SNRPN: variants seen among roughly 807,000 people sequenced by gnomAD.
The protein encoded by SNRPN is small nuclear ribonucleoprotein-associated protein N.
In SNRPN, 7 loss-of-function variants were observed where a neutral mutation model predicts 25.2. The observed-to-expected ratio is 0.28, with a 90% CI of 0.16 to 0.52. SNRPN has a LOEUF of 0.52. Ranked by LOEUF, SNRPN falls within the 20% of genes least tolerant of loss-of-function variation. The pLI, the probability that SNRPN is intolerant of heterozygous loss-of-function variation, is 0.96. For synonymous variants in SNRPN, 124 were observed against 110.6 expected (o/e 1.12, Z -0.76); for missense variants, 196 against 322.5 (o/e 0.61, Z 3.00).
At chr15:24,949,528 G>A (rs955567524) in intron 3 of SNRPN, among the ~76,000 whole-genome samples, 1 of 152,114 alleles carries the variant, frequency 6.6e-6, no homozygotes, top group Non-Finnish European at 1.5e-5. Flanking sequence ...GTGCATGCCT[G>A]TAGTCCCAGC....
chr15:24,877,050 G>A (rs563597584), intron 1 of SNRPN, among the ~76,000 whole-genome samples: 30 of 152,210 alleles, frequency 2.0e-4, no homozygotes, highest in African/African-American at 7.2e-4. Context: ...GAGAATTTGG[G>A]TCTCATACAT....
chr15:24,964,428 G>A (rs1349704213), intron 2 of SNRPN, among the ~76,000 whole-genome samples: 1 of 152,096 alleles, frequency 6.6e-6, no homozygotes, highest in Non-Finnish European at 1.5e-5. Context: ...AAGTAACTGG[G>A]ATTATAGGTG....
At position 24,976,463 on chromosome 15, in the gene SNRPN, C is replaced by G. The variant is rs537922166; in HGVS notation, c.267+47C>G. On this transcript the variant is annotated intron_variant, in intron 6 of 9. Coordinates refer to ENST00000390687, the MANE Select transcript of SNRPN (RefSeq NM_003097.6). Reference sequence around the variant, plus strand: ...ACAGAACTTTAATTTGCAGGGACATCATATTATGTGAGATGTCTGAAATCA... The same window carrying G: ...ACAGAACTTTAATTTGCAGGGACATGATATTATGTGAGATGTCTGAAATCA... 10 of 1,252,712 alleles carry G rather than the reference C, an allele frequency of 8.0e-6. No homozygotes were observed. In the South Asian group the frequency reaches 1.1e-4, roughly 14 times the overall value. The allele number at this position is 1,252,712 out of a possible 1,614,324, so 77.6% of individuals were successfully genotyped here. A position where few individuals can be genotyped will look rare whatever the true frequency, so the allele number is the denominator to read the frequency against.
intron 2 of SNRPN, among the ~76,000 whole-genome samples, chr15:24,832,749 G>T (rs1260058605): frequency 6.6e-6 from 1 of 151,960 alleles, no homozygotes. Flanking sequence ...GAGCAAGCTG[G>T]CAGTTAGATG....
At chr15:24,928,485 T>C (rs1297224147) in intron 3 of SNRPN, among the ~76,000 whole-genome samples, 2 of 152,044 alleles carry the variant, frequency 1.3e-5, no homozygotes, top group African/African-American at 4.8e-5. Flanking sequence ...CACAGAAATA[T>C]AAATAGCTTA....
chr15:24,889,922 C>T (rs573345276), intron 2 of SNRPN, among the ~76,000 whole-genome samples: 15 of 151,404 alleles, frequency 9.9e-5, no homozygotes, highest in African/African-American at 3.4e-4. Context: ...TGGTGGTACA[C>T]GCTTGTAGTC....
At chr15:24,918,416 A>ATG (rs1326247415) in intron 2 of SNRPN, among the ~76,000 whole-genome samples, 11 of 59,942 alleles carry the variant, frequency 1.8e-4, no homozygotes, top group East Asian at 4.3e-4. Flanking sequence ...CATAATATAT[A>ATG]TGTGTATATA....
intron 1 of SNRPN, among the ~76,000 whole-genome samples, chr15:24,874,178 C>T (rs2055576708): frequency 6.6e-6 from 1 of 151,612 alleles, no homozygotes; most frequent in South Asian, 2.1e-4. Context: ...GGCGTGGTGG[C>T]AGGCGCCTGT....
chr15:24,830,843 A>C (rs72693630), intron 2 of SNRPN, among the ~76,000 whole-genome samples: 24,903 of 151,908 alleles, frequency 0.16, 2,187 homozygotes, highest in East Asian at 0.28. Flanking sequence ...TATGGAGGAG[A>C]ATGTGGTGCA....
rs376237347 is a variant in SNRPN, at chr15:24,838,282, G to A, written c.-579+8377G>A. Among the ~76,000 whole-genome samples the A allele has an allele frequency of 2.0e-4, 31 of 151,842 alleles. 1 individual carries two copies. The highest frequency in any genetic ancestry group is 2.9e-4 in the African/African-American group (12 of 41,272). On this transcript the variant is annotated intron_variant, in intron 2 of 12. Transcript: ENST00000400100. Reference sequence around the variant, plus strand: ...AATCTCCTGACCTCGTGATCCACCCGCCTCGGCCTCCCAAAGTGCTGGGAT... The same window carrying A: ...AATCTCCTGACCTCGTGATCCACCCACCTCGGCCTCCCAAAGTGCTGGGAT...
chr15:24,867,534 T>C (rs11635183), intron 1 of SNRPN, among the ~76,000 whole-genome samples: 77,001 of 149,390 alleles, frequency 0.52, 19,379 homozygotes, highest in African/African-American at 0.65. Flanking sequence ...GCCACCACGC[T>C]CAGCTAATTT....
intron 5 of SNRPN, among the ~76,000 whole-genome samples, chr15:24,976,040 G>A (rs1367142430): frequency 6.6e-6 from 1 of 152,124 alleles, no homozygotes; most frequent in Non-Finnish European, 1.5e-5. Flanking sequence ...TTCTTAAAAG[G>A]TATTTCACAA....
intron 1 of SNRPN, among the ~76,000 whole-genome samples, chr15:24,885,218 C>A (rs1347884968): frequency 6.6e-6 from 1 of 152,106 alleles, no homozygotes; most frequent in Non-Finnish European, 1.5e-5. Flanking sequence ...GCACCGGTAG[C>A]CTAGGTATTG....
chr15:24,930,880 C>CA (rs2060802351), intron 3 of SNRPN, among the ~76,000 whole-genome samples: 2 of 145,226 alleles, frequency 1.4e-5, no homozygotes, highest in African/African-American at 5.1e-5. Context: ...GCTTGGGCGA[C>CA]AAAGCAAGAG....
intron 2 of SNRPN, among the ~76,000 whole-genome samples, chr15:24,905,638 T>G (rs144361648): frequency 6.6e-6 from 1 of 152,324 alleles, no homozygotes; most frequent in Admixed American, 6.5e-5. Flanking sequence ...AGAAGATAAC[T>G]GCTAGGTGGT....
At chr15:24,893,925 A>T (rs985658348) in intron 2 of SNRPN, among the ~76,000 whole-genome samples, 2 of 152,172 alleles carry the variant, frequency 1.3e-5, no homozygotes, top group East Asian at 3.9e-4. Context: ...AAGGAAAAAA[A>T]CCCAATCCGT....
At chr15:24,932,887 G>C (rs1180509935) in intron 3 of SNRPN, among the ~76,000 whole-genome samples, 1 of 152,166 alleles carries the variant, frequency 6.6e-6, no homozygotes, top group African/African-American at 2.4e-5. Context: ...GACCTCAGGT[G>C]ACCCACCTGC....
chr15:24,860,873 C>T (rs2147216053), intron 1 of SNRPN, among the ~76,000 whole-genome samples: 1 of 152,268 alleles, frequency 6.6e-6, no homozygotes, highest in South Asian at 2.1e-4. Flanking sequence ...TTACCAGCCA[C>T]AAATAACAAC....
chr15:24,894,385 AT>A (rs1413056557), intron 2 of SNRPN, among the ~76,000 whole-genome samples: 2 of 151,982 alleles, frequency 1.3e-5, no homozygotes, highest in African/African-American at 2.4e-5. Context: ...CGCCTGGCTA[AT>A]TTTTTGTATT....
Sources: gnomAD v4.1 joint callset for allele counts (sites outside exome capture counted in the v4.1 genomes callset) on GRCh38, gnomAD v4.1.1 for gene constraint, MANE v1.5 for transcripts, NCBI Gene and HGNC (gene_info 2026-07-23, HGNC 2026-07-21) for gene names.